CEMIP2: variants seen among roughly 807,000 people sequenced by gnomAD.
CEMIP2 encodes the protein cell surface hyaluronidase CEMIP2.
A neutral mutation model predicts 146.9 loss-of-function variants in CEMIP2; 79 were observed. The ratio of observed to expected loss-of-function variants is 0.54; its 90% confidence interval spans 0.45 to 0.65. The LOEUF (loss-of-function observed/expected upper bound fraction) is 0.65. CEMIP2 is among the 30% of genes least tolerant of loss of function. CEMIP2 has a pLI of 0.00. For synonymous variants in CEMIP2, 601 were observed against 606.3 expected (o/e 0.99, Z 0.13); for missense variants, 1,596 against 1,696.2 (o/e 0.94, Z 1.04).
intron 22 of CEMIP2, among the ~76,000 whole-genome samples, chr9:71,689,102 A>C (rs1351452337): frequency 6.6e-6 from 1 of 152,098 alleles, no homozygotes; most frequent in African/African-American, 2.4e-5. Flanking sequence ...GTTTTAGGGG[A>C]AGTGAGTGCA....
intron 21 of CEMIP2, among the ~76,000 whole-genome samples, chr9:71,692,634 T>C (rs531098641): frequency 6.6e-6 from 1 of 152,108 alleles, no homozygotes; most frequent in East Asian, 1.9e-4. Flanking sequence ...TTTAACCTGG[T>C]GTGGTGGCTC....
intron 2 of CEMIP2, among the ~76,000 whole-genome samples, chr9:71,748,811 C>T (rs180927748): frequency 6.6e-6 from 1 of 152,326 alleles, no homozygotes; most frequent in Non-Finnish European, 1.5e-5. Context: ...AGCACTACCT[C>T]TCCCAGAACC....
At chr9:71,744,954 A>C (rs1236203121) in intron 4 of CEMIP2, 64 bp downstream of exon 4, 10 of 1,514,880 alleles carry the variant, frequency 6.6e-6, no homozygotes, top group African/African-American at 2.8e-5. Context: ...TCCTTTCCCC[A>C]CCCTCACTCT....
intron 1 of CEMIP2, among the ~76,000 whole-genome samples, chr9:71,755,153 T>C: frequency 6.6e-6 from 1 of 151,914 alleles, no homozygotes; most frequent in African/African-American, 2.4e-5. Flanking sequence ...AAGCAATTAT[T>C]TTGAGATTTC....
chr9:71,710,789 G>C (rs1415987062), intron 16 of CEMIP2, among the ~76,000 whole-genome samples: 1 of 152,118 alleles, frequency 6.6e-6, no homozygotes, highest in Non-Finnish European at 1.5e-5. Flanking sequence ...TTATGTGGGT[G>C]CCATCTACCA....
intron 22 of CEMIP2, among the ~76,000 whole-genome samples, chr9:71,688,193 AC>A (rs1412931303): frequency 2.0e-5 from 3 of 152,148 alleles, no homozygotes; most frequent in African/African-American, 7.2e-5. Context: ...ATTTTCAAGA[AC>A]AAATCAGTGT....
chr9:71,750,869 C>G (rs575358474), intron 1 of CEMIP2, among the ~76,000 whole-genome samples: 1 of 152,228 alleles, frequency 6.6e-6, no homozygotes, highest in South Asian at 2.1e-4. Flanking sequence ...GCCTGAGCCT[C>G]CCGGGTAGCC....
In CEMIP2 at chr9:71,709,391, A is replaced by G. The variant is rs1285571205; in HGVS notation, c.2853T>C (p.His951=). The G allele has an allele frequency of 6.2e-7, 1 of 1,614,192 alleles. No individual in the cohort carries two copies. The highest frequency in any genetic ancestry group is 8.5e-7 in the Non-Finnish European group (1 of 1,180,016). The stretch of plus-strand genomic sequence containing the variant: ...ATCCTGTCACAGAGCCATCAATGTC[A>G]TGGAATATGGAGTTCTTATCACCAT... ...EMDGDKNSIF[H]DIDGSVTGYK... Residue 951 remains histidine (H), a synonymous_variant, in exon 17 of 24, where the codon CAT becomes CAC. Coordinates refer to ENST00000377044, the MANE Select transcript of CEMIP2 (RefSeq NM_013390.3).
chr9:71,688,840 G>A lies in CEMIP2; in HGVS notation c.3851+1252C>T, dbSNP rs529521531. ...CCCGCAACCCTATACACATAGACAC[G>A]TGCTCAGTCTCCCTAGAAGTCACTG... On this transcript the variant is annotated intron_variant, in intron 22 of 23. Transcript: ENST00000377044. 1.7e-4 allele frequency among the ~76,000 whole-genome samples: 26 copies of A among 152,220 alleles called. No homozygotes were observed. In the Middle Eastern group the frequency reaches 0.01, roughly 60 times the overall value.
Position 71,734,913 on chromosome 9 carries a change from G to T in CEMIP2, c.1286C>A (p.Pro429His), listed in dbSNP as rs773624874. The change falls in exon 6 of 24, where the codon CCT becomes CAT. Residue 429 changes from proline (P) to histidine (H), a missense_variant. Physicochemically the swap from Pro to His is moderately conservative, Grantham distance 77. Transcript: ENST00000377044. ...NLLDDVSSWK[P>H]GDQIVVASTD... Reference sequence around the variant, plus strand: ...GCTTGCGACCACAATCTGGTCTCCAGGTTTCCAACTACTAACATCATCTAG... The same window carrying T: ...GCTTGCGACCACAATCTGGTCTCCATGTTTCCAACTACTAACATCATCTAG... 6.2e-7 allele frequency: 1 copy of T among 1,613,594 alleles called. No homozygotes were observed. The highest frequency in any genetic ancestry group is 1.7e-5 in the Admixed American group (1 of 59,946).
At position 71,711,664 on chromosome 9, in the gene CEMIP2, C is replaced by A. The variant is rs771702048; in HGVS notation, c.2769+419G>T. 3.5e-4 allele frequency among the ~76,000 whole-genome samples: 53 copies of A among 152,070 alleles called. 1 individual carries two copies. Among genetic ancestry groups the A allele is most frequent in the Admixed American group, 1.8e-3 (27 of 15,258 alleles). ...CACTGCCACAGTATTCTGCTTTATT[C>A]ACAACCTCTTATTCTCTAGTCCCCC... On this transcript the variant is annotated intron_variant, in intron 16 of 23. Transcript: ENST00000377044.
Position 71,709,418 on chromosome 9 carries a change from C to G in CEMIP2, c.2826G>C (p.Met942Ile). Reference sequence around the variant, plus strand: ...GGAATATGGAGTTCTTATCACCATCCATCTCACAATCTTCAAACCAGGGAC... The same window carrying G: ...GGAATATGGAGTTCTTATCACCATCGATCTCACAATCTTCAAACCAGGGAC... The part of the protein sequence containing the change: ...KPGPWFEDCE[M>I]DGDKNSIFHD... The change falls in exon 17 of 24, where the codon ATG becomes ATC. Residue 942 changes from methionine to isoleucine, a missense_variant. Transcript: ENST00000377044. 3 of 1,614,162 alleles carry G rather than the reference C, an allele frequency of 1.9e-6. No homozygotes were observed. The highest frequency in any genetic ancestry group is 2.5e-6 in the Non-Finnish European group (3 of 1,180,000).
At chr9:71,749,590 C>T (rs1348516179) in intron 2 of CEMIP2, among the ~76,000 whole-genome samples, 1 of 151,994 alleles carries the variant, frequency 6.6e-6, no homozygotes, top group Non-Finnish European at 1.5e-5. Context: ...CCTGTAGTCC[C>T]AGCTACTCAG....
rs559691140 is a variant in CEMIP2 at position 71,726,438 on chromosome 9, G to A, written c.2050-729C>T. Among the ~76,000 whole-genome samples, 11 of 144,420 alleles carry A rather than the reference G, an allele frequency of 7.6e-5. No homozygotes were observed. In the South Asian group the frequency reaches 9.9e-4, roughly 13 times the overall value. 94.7% of individuals were successfully genotyped at this position (144,420 alleles called of 152,430 possible). On this transcript the variant is annotated intron_variant, in intron 10 of 23. Transcript: ENST00000377044. ...GGACAACTTCACTTTATGGAACTTCGATTAAATAGTTTGTTAAAACTTAAT... is the reference window on the plus strand; with the variant it reads ...GGACAACTTCACTTTATGGAACTTCAATTAAATAGTTTGTTAAAACTTAAT...
intron 1 of CEMIP2, among the ~76,000 whole-genome samples, chr9:71,752,890 G>A (rs1381279695): frequency 6.6e-6 from 1 of 152,122 alleles, no homozygotes; most frequent in Admixed American, 6.5e-5. Flanking sequence ...CATTCTCAGA[G>A]TCAGTGTTTC....
intron 19 of CEMIP2, chr9:71,699,470 GAAAGAAAGAA>G (rs775299065): frequency 9.8e-6 from 4 of 410,126 alleles, no homozygotes; most frequent in Non-Finnish European, 1.9e-5. Flanking sequence ...AAAAAAGAAA[GAAAGAAAGAA>G]AAAGAAAGAA....
intron 1 of CEMIP2, among the ~76,000 whole-genome samples, chr9:71,760,620 T>C (rs62544889): frequency 0.064 from 9,682 of 151,712 alleles, 739 homozygotes; most frequent in South Asian, 0.18. Context: ...GGTTAAAATG[T>C]ATTATCATGC....
intron 17 of CEMIP2, among the ~76,000 whole-genome samples, chr9:71,705,141 AAT>A (rs1024341045): frequency 1.1e-4 from 16 of 152,232 alleles, no homozygotes; most frequent in Admixed American, 9.2e-4. Context: ...TACAAAAAAA[AAT>A]TAGTAAACTA....
chr9:71,704,858 A>C, intron 17 of CEMIP2, 55 bp from the exon 18 acceptor site: 1 of 1,542,084 alleles, frequency 6.5e-7, no homozygotes, highest in Non-Finnish European at 8.9e-7. Flanking sequence ...AAACAGCTAA[A>C]AAGACATTTT....
Sources: allele counts gnomAD v4.1 joint callset (sites outside exome capture counted in the v4.1 genomes callset), GRCh38; gene constraint gnomAD v4.1.1; transcripts MANE v1.5; gene names NCBI Gene and HGNC (gene_info 2026-07-23, HGNC 2026-07-21).